NTNG1: variants seen among roughly 807,000 people sequenced by gnomAD.
NTNG1 encodes netrin-G1.
In NTNG1, 16 loss-of-function variants were observed where a neutral mutation model predicts 54.0. The observed-to-expected ratio is 0.30, with a 90% CI of 0.20 to 0.45. The LOEUF (loss-of-function observed/expected upper bound fraction) is 0.45, where lower values mean the gene tolerates loss of function less well. Among genes scored for constraint, NTNG1 ranks in the 20% least tolerant of loss-of-function variants. The probability of loss-of-function intolerance (pLI) is 1.00; values close to 1 mark genes in which losing one functional copy is unlikely to be tolerated. For missense variants in NTNG1, 530 were observed against 678.7 expected, an observed-to-expected ratio of 0.78 and a Z score of 2.43; for synonymous variants, 255 against 263.1, an observed-to-expected ratio of 0.97 and a Z score of 0.30.
At chr1:107,360,083 CT>C (rs1395420554) in intron 3 of NTNG1, among the ~76,000 whole-genome samples, 23 of 152,308 alleles carry the variant, frequency 1.5e-4, no homozygotes, top group African/African-American at 5.5e-4. Flanking sequence ...ACAGGGTCTG[CT>C]TACCTGCCTG....
At chr1:107,371,249 A>G (rs1278789413) in intron 3 of NTNG1, among the ~76,000 whole-genome samples, 1 of 152,042 alleles carries the variant, frequency 6.6e-6, no homozygotes, top group African/African-American at 2.4e-5. Flanking sequence ...GTTTGTTAAT[A>G]TGGTGAATTA....
intron 5 of NTNG1, among the ~76,000 whole-genome samples, chr1:107,430,001 A>G (rs934412429): frequency 1.3e-5 from 2 of 152,152 alleles, no homozygotes; most frequent in Non-Finnish European, 2.9e-5. Context: ...AGGTGGGGTT[A>G]CAGTAGCTAC....
At chr1:107,161,318 A>G (rs966514852) in intron 2 of NTNG1, among the ~76,000 whole-genome samples, 4 of 152,120 alleles carry the variant, frequency 2.6e-5, no homozygotes, top group African/African-American at 7.2e-5. Flanking sequence ...TTATTTTTCA[A>G]TTAAAAATAT....
intron 3 of NTNG1, among the ~76,000 whole-genome samples, chr1:107,362,179 A>T (rs374963295): frequency 2.5e-4 from 38 of 152,316 alleles, no homozygotes; most frequent in African/African-American, 5.8e-4. Context: ...TCTCTCTCTG[A>T]TCAATTTTCT....
chr1:107,216,196 G>A (rs1257437807), intron 2 of NTNG1, among the ~76,000 whole-genome samples: 1 of 152,134 alleles, frequency 6.6e-6, no homozygotes, highest in East Asian at 1.9e-4. Flanking sequence ...GAATAGAAGT[G>A]GTGAAAGTGG....
chr1:107,273,771 C>T (rs6701646), intron 2 of NTNG1, among the ~76,000 whole-genome samples: 8,363 of 152,262 alleles, frequency 0.055, 739 homozygotes, highest in African/African-American at 0.19. Context: ...ATATCAGTCA[C>T]AGTCATGTAC....
chr1:107,347,813 C>T (rs556888333), intron 3 of NTNG1, among the ~76,000 whole-genome samples: 18 of 152,208 alleles, frequency 1.2e-4, no homozygotes, highest in African/African-American at 2.6e-4. Flanking sequence ...GGTGGCAGGA[C>T]GGAGTGAGTG....
At chr1:107,188,061 A>T (rs1570796405) in intron 2 of NTNG1, among the ~76,000 whole-genome samples, 1 of 151,204 alleles carries the variant, frequency 6.6e-6, no homozygotes, top group Admixed American at 6.6e-5. Flanking sequence ...TGGCATAGGC[A>T]TTTTTTTTTG....
intron 3 of NTNG1, among the ~76,000 whole-genome samples, chr1:107,367,264 G>A (rs1670655070): frequency 6.6e-6 from 1 of 152,056 alleles, no homozygotes; most frequent in Admixed American, 6.6e-5. Context: ...CTTAATGTTT[G>A]CCTGAAATTG....
chr1:107,245,763 T>G (rs894805292), intron 2 of NTNG1, among the ~76,000 whole-genome samples: 7 of 152,212 alleles, frequency 4.6e-5, no homozygotes. Context: ...TTGCTGCGTA[T>G]TATCACCCAT....
At chr1:107,464,730 C>A (rs1489430022) in intron 7 of NTNG1, among the ~76,000 whole-genome samples, 1 of 152,148 alleles carries the variant, frequency 6.6e-6, no homozygotes, top group Non-Finnish European at 1.5e-5. Context: ...AATGGGAGTG[C>A]AATAGGTGGA....
rs1675209590 is a variant in NTNG1 at position 107,430,745 on chromosome 1, G to A, written c.1088-5G>A. On this transcript the variant is annotated splice_polypyrimidine_tract_variant and splice_region_variant and intron_variant, in intron 5 of 7. Coordinates refer to ENST00000370068, the MANE Select transcript of NTNG1 (RefSeq NM_001113226.3). ...TCTGTATACATTTCTGTTCTTCCTTGCAAGATTGTGAATGCTTCGGCCACT... is the reference window on the plus strand; with the variant it reads ...TCTGTATACATTTCTGTTCTTCCTTACAAGATTGTGAATGCTTCGGCCACT... 1.2e-6 allele frequency: 2 copies of A among 1,612,906 alleles called. No homozygotes were observed. The highest frequency in any genetic ancestry group is 1.7e-6 in the Non-Finnish European group (2 of 1,179,438).
chr1:107,430,625 T>C, intron 5 of NTNG1, 125 bp from the exon 6 acceptor site: 1 of 954,586 alleles, frequency 1.0e-6, no homozygotes, highest in Non-Finnish European at 1.7e-6. Flanking sequence ...TGTGTTGTGT[T>C]GAATCACATA....
chr1:107,187,836 G>C (rs1255544629), intron 2 of NTNG1, among the ~76,000 whole-genome samples: 2 of 152,132 alleles, frequency 1.3e-5, no homozygotes, highest in Non-Finnish European at 2.9e-5. Flanking sequence ...CCTTTAAAGG[G>C]AGAGGATGGC....
chr1:107,413,151 T>C lies in NTNG1; in HGVS notation c.1087+5443T>C, dbSNP rs569177960. ...TTCTTTTCTGTTTTTTGTTTTGTTT[T>C]GTTCATTTTTTTTTTCATTTTTTTT... is the stretch of plus-strand genomic sequence containing the variant. On this transcript the variant is annotated intron_variant, in intron 5 of 7. Transcript: ENST00000370068. Among the ~76,000 whole-genome samples, 5 of 110,864 alleles carry C rather than the reference T, an allele frequency of 4.5e-5. No homozygotes were observed. The South Asian group carries it at 1.1e-3, about 24-fold the overall frequency. The allele number at this position is 110,864 out of a possible 152,430, so 72.7% of individuals were successfully genotyped here.
At position 107,295,358 on chromosome 1, in the gene NTNG1, T is replaced by C. The variant is rs189031571; in HGVS notation, c.247-28924T>C. Among the ~76,000 whole-genome samples, 71 of 152,330 alleles carry C rather than the reference T, an allele frequency of 4.7e-4. No individual in the cohort carries two copies. In the East Asian group the frequency reaches 0.013, roughly 27 times the overall value. On this transcript the variant is annotated intron_variant, in intron 2 of 7. Coordinates refer to ENST00000370068, the MANE Select transcript of NTNG1 (RefSeq NM_001113226.3). ...ATATTAACAAATCCTCTTGCTTCTA[T>C]GGTGGATTAAATAAGCCAGCTTCTT... is the stretch of plus-strand genomic sequence containing the variant.
intron 3 of NTNG1, among the ~76,000 whole-genome samples, chr1:107,346,541 C>A (rs999204484): frequency 3.9e-5 from 6 of 152,086 alleles, no homozygotes; most frequent in South Asian, 2.1e-4. Flanking sequence ...ACACACAAAT[C>A]TGCTATATAT....
chr1:107,291,485 A>G (rs1363795678), intron 2 of NTNG1, among the ~76,000 whole-genome samples: 1 of 152,182 alleles, frequency 6.6e-6, no homozygotes, highest in Admixed American at 6.6e-5. Flanking sequence ...GTACATATGT[A>G]TATGTAAATA....
At chr1:107,472,588 G>A (rs552669306) in intron 7 of NTNG1, among the ~76,000 whole-genome samples, 5 of 152,226 alleles carry the variant, frequency 3.3e-5, no homozygotes, top group South Asian at 2.1e-4. Context: ...AGGCCTTGTC[G>A]TAAATGGATG....
Sources: gnomAD v4.1 joint callset for allele counts (sites outside exome capture counted in the v4.1 genomes callset) on GRCh38, gnomAD v4.1.1 for gene constraint, MANE v1.5 for transcripts, NCBI Gene and HGNC (gene_info 2026-07-23, HGNC 2026-07-21) for gene names.